SEMA5A: variants seen among roughly 807,000 people sequenced by gnomAD.
The protein encoded by SEMA5A is semaphorin-5A.
In SEMA5A, 55 loss-of-function variants were observed where a neutral mutation model predicts 135.5. That is an observed-to-expected ratio of 0.41 (90% CI 0.33 to 0.51). SEMA5A has a LOEUF of 0.51. Among genes scored for constraint, SEMA5A ranks in the 20% least tolerant of loss-of-function variants. The pLI, the probability that SEMA5A is intolerant of heterozygous loss-of-function variation, is 0.37. For synonymous variants in SEMA5A, 580 were observed against 546.5 expected (o/e 1.06, Z -0.85); for missense variants, 1,290 against 1,419.9 (o/e 0.91, Z 1.47).
chr5:9,154,062 A>AATATATATATAT (rs1553993746), intron 12 of SEMA5A, among the ~76,000 whole-genome samples: 1 of 68,286 alleles, frequency 1.5e-5, no homozygotes, highest in African/African-American at 4.7e-5. Context: ...AAAAAAAAAA[A>AATATATATATAT]ATATATATAT....
At position 9,481,443 on chromosome 5, in the gene SEMA5A, C is replaced by A. The variant is rs528051539; in HGVS notation, c.-174-43591G>T. ...TGGTCAATAGGAGGTCAACTCAAAG[C>A]CCTACAGACTACAGTAGCTAATGGG... is the stretch of plus-strand genomic sequence containing the variant. On this transcript the variant is annotated intron_variant, in intron 1 of 22. Coordinates refer to ENST00000382496, the MANE Select transcript of SEMA5A (RefSeq NM_003966.3). Among the ~76,000 whole-genome samples, 3 of 152,202 alleles carry A rather than the reference C, an allele frequency of 2.0e-5. No individual in the cohort carries two copies. The South Asian group carries it at 6.2e-4, about 32-fold the overall frequency.
At chr5:9,527,539 C>A (rs952934556) in intron 1 of SEMA5A, among the ~76,000 whole-genome samples, 6 of 152,160 alleles carry the variant, frequency 3.9e-5, no homozygotes, top group Admixed American at 2.6e-4. Context: ...ACAGAGGTGG[C>A]GATTCAACTG....
rs1164369497 is a variant in SEMA5A, at chr5:9,379,923, T to G, written c.24A>C (p.Ala8=). The change falls in exon 3 of 23, where the codon GCA becomes GCC. Residue 8 remains alanine (A), a synonymous_variant. Coordinates refer to ENST00000382496, the MANE Select transcript of SEMA5A (RefSeq NM_003966.3). ...ACAGCCCCAGGCTTGAGAACAGCCA[T>G]GCTATAACACAGGTTCCCTTCATGG... MKGTCVI[A]WLFSSLGLWR... 1 of 1,613,782 alleles carries G rather than the reference T, an allele frequency of 6.2e-7. No homozygotes were observed. The highest frequency in any genetic ancestry group is 1.7e-5 in the Admixed American group (1 of 59,970).
chr5:9,051,963 G>C lies in SEMA5A; in HGVS notation c.2755C>G (p.Gln919Glu). Residue 919 changes from glutamine to glutamate, a missense_variant, in exon 20 of 23, where the codon CAG becomes GAG. Coordinates refer to ENST00000382496, the MANE Select transcript of SEMA5A (RefSeq NM_003966.3). The part of the protein sequence containing the change: ...EASGVQVRAR[Q>E]CILLFPMGSQ... ...CCCATGGGGAACAGGAGGATGCACT[G>C]GCGGGCGCGGACTTGGACGCCAGAG... The C allele has an allele frequency of 6.2e-7, 1 of 1,614,024 alleles. No individual in the cohort carries two copies. The highest frequency in any genetic ancestry group is 8.5e-7 in the Non-Finnish European group (1 of 1,179,950).
intron 6 of SEMA5A, among the ~76,000 whole-genome samples, chr5:9,227,186 A>G (rs1747361453): frequency 6.6e-6 from 1 of 152,204 alleles, no homozygotes; most frequent in Non-Finnish European, 1.5e-5. Flanking sequence ...TTTGATTTTT[A>G]TCAAATAAAT....
At chr5:9,424,485 A>T (rs777859955) in intron 2 of SEMA5A, among the ~76,000 whole-genome samples, 15 of 152,186 alleles carry the variant, frequency 9.9e-5, no homozygotes, top group Non-Finnish European at 1.8e-4. Context: ...TGGATTTCAA[A>T]CATACTGCCA....
Position 9,379,204 on chromosome 5 carries a change from G to A in SEMA5A, c.124+619C>T, listed in dbSNP as rs776685214. ...TACAATGTCTCATTCATCATATTTA[G>A]CCTGATAATATAATTCCTTGAGGAC... On this transcript the variant is annotated intron_variant, in intron 3 of 22. Coordinates refer to ENST00000382496, the MANE Select transcript of SEMA5A (RefSeq NM_003966.3). Among the ~76,000 whole-genome samples, 46 of 152,172 alleles carry A rather than the reference G, an allele frequency of 3.0e-4. 1 individual carries two copies. Among genetic ancestry groups the A allele is most frequent in the Admixed American group, 8.5e-4 (13 of 15,290 alleles).
At chr5:9,388,760 A>G (rs368558037) in intron 2 of SEMA5A, among the ~76,000 whole-genome samples, 28 of 152,184 alleles carry the variant, frequency 1.8e-4, no homozygotes, top group Middle Eastern at 3.4e-3. Context: ...TTAGCCGGGC[A>G]TGGTAGCGGG....
At chr5:9,045,909 T>C (rs1736224461) in intron 21 of SEMA5A, 1 of 152,198 alleles carries the variant, frequency 6.6e-6, no homozygotes, top group Admixed American at 6.5e-5. Flanking sequence ...CTGTGTTATG[T>C]CGGAGCAAAC....
intron 5 of SEMA5A, among the ~76,000 whole-genome samples, chr5:9,255,492 C>T (rs1357586018): frequency 6.6e-6 from 1 of 152,200 alleles, no homozygotes; most frequent in Non-Finnish European, 1.5e-5. Context: ...TTCACTACAG[C>T]TCTTTTTCCT....
chr5:9,079,674 A>G (rs1738262103), intron 16 of SEMA5A, among the ~76,000 whole-genome samples: 1 of 152,188 alleles, frequency 6.6e-6, no homozygotes, highest in Non-Finnish European at 1.5e-5. Flanking sequence ...AGAATCTACA[A>G]AGAACTTACT....
At chr5:9,342,692 A>G (rs2150731736) in intron 3 of SEMA5A, among the ~76,000 whole-genome samples, 1 of 152,352 alleles carries the variant, frequency 6.6e-6, no homozygotes, top group East Asian at 1.9e-4. Context: ...AACGCTAACA[A>G]TATGATTATC....
chr5:9,168,760 G>A (rs1743752235), intron 11 of SEMA5A, among the ~76,000 whole-genome samples: 1 of 152,184 alleles, frequency 6.6e-6, no homozygotes, highest in Admixed American at 6.5e-5. Context: ...TTTTCTGACA[G>A]CACCCAGCTT....
At chr5:9,157,482 G>C (rs1244412999) in intron 11 of SEMA5A, among the ~76,000 whole-genome samples, 2 of 152,104 alleles carry the variant, frequency 1.3e-5, no homozygotes, top group African/African-American at 4.8e-5. Context: ...CATAATCCCA[G>C]GGCCGATGAT....
At chr5:9,132,019 T>C (rs997837187) in intron 13 of SEMA5A, among the ~76,000 whole-genome samples, 2 of 152,322 alleles carry the variant, frequency 1.3e-5, no homozygotes, top group Non-Finnish European at 1.5e-5. Flanking sequence ...AGTCTAGATA[T>C]GCCAATTTAG....
At chr5:9,267,844 A>G (rs767679765) in intron 5 of SEMA5A, among the ~76,000 whole-genome samples, 1 of 152,158 alleles carries the variant, frequency 6.6e-6, no homozygotes, top group African/African-American at 2.4e-5. Context: ...TTAAATTGGC[A>G]GCTGGGTACA....
chr5:9,257,657 G>T (rs1210635780), intron 5 of SEMA5A, among the ~76,000 whole-genome samples: 1 of 151,926 alleles, frequency 6.6e-6, no homozygotes, highest in Admixed American at 6.6e-5. Context: ...GTTTAAAATA[G>T]ATGACGTCCC....
chr5:9,509,464 A>G (rs6891680), intron 1 of SEMA5A, among the ~76,000 whole-genome samples: 135,467 of 151,810 alleles, frequency 0.89, 60,595 homozygotes, highest in Middle Eastern at 0.95. Context: ...TAGTAGAGAC[A>G]GGTTTTCATC....
intron 1 of SEMA5A, among the ~76,000 whole-genome samples, chr5:9,459,333 G>T (rs1160565954): frequency 6.6e-6 from 1 of 152,132 alleles, no homozygotes; most frequent in African/African-American, 2.4e-5. Context: ...TGCATGATTA[G>T]GTCGTTATAT....
Sources: allele counts gnomAD v4.1 joint callset (sites outside exome capture counted in the v4.1 genomes callset), GRCh38; gene constraint gnomAD v4.1.1; transcripts MANE v1.5; gene names NCBI Gene and HGNC (gene_info 2026-07-23, HGNC 2026-07-21).